Variants in ITPR2 observed in about 807,000 individuals in gnomAD.
ITPR2 encodes inositol 1,4,5-trisphosphate-gated calcium channel ITPR2.
A neutral mutation model predicts 317.1 loss-of-function variants in ITPR2; 207 were observed. The observed-to-expected ratio is 0.65, with a 90% CI of 0.58 to 0.73. The LOEUF is 0.73. Among genes scored for constraint, ITPR2 ranks in the 30% least tolerant of loss-of-function variants. The pLI, the probability that ITPR2 is intolerant of heterozygous loss-of-function variation, is 0.00. For synonymous variants in ITPR2, 1,156 were observed against 1,149.1 expected (o/e 1.01, Z -0.12); for missense variants, 2,613 against 3,284.0 (o/e 0.80, Z 4.99).
chr12:26,659,245 A>G lies in ITPR2; in HGVS notation c.1754T>C (p.Ile585Thr), dbSNP rs1565672328. ...ATCTTCTGCCAAAATATCATAGCCA[A>G]TCTGGGACTGCATGACACAGAAATT... ...AKNFCVMQSQ[I>T]GYDILAEDTI... Residue 585 changes from isoleucine (I) to threonine (T), a missense_variant, in exon 16 of 57, where the codon ATT becomes ACT. By Grantham distance (89) the Ile-to-Thr change is moderately conservative. This residue lies in a region of ITPR2 where 515 missense variants were observed against 789.4 expected (regional missense o/e 0.65). Transcript: ENST00000381340. 1.9e-6 allele frequency: 3 copies of G among 1,613,740 alleles called. No individual in the cohort carries two copies. The highest frequency in any genetic ancestry group is 1.1e-5 in the South Asian group (1 of 91,060).
intron 34 of ITPR2, among the ~76,000 whole-genome samples, chr12:26,563,128 T>C (rs893770812): frequency 1.3e-5 from 2 of 152,152 alleles, no homozygotes; most frequent in Non-Finnish European, 2.9e-5. Flanking sequence ...GCAGAAGCAG[T>C]TTTTACCTGG....
At chr12:26,401,847 G>C (rs2277350) in intron 52 of ITPR2, among the ~76,000 whole-genome samples, 37,851 of 152,130 alleles carry the variant, frequency 0.25, 5,667 homozygotes, top group East Asian at 0.56. Context: ...ACTTTCTTTG[G>C]AGCTGTTTCC....
At chr12:26,580,292 A>T (rs1945372009) in intron 32 of ITPR2, 137 bp from the exon 33 acceptor site, 1 of 685,140 alleles carries the variant, frequency 1.5e-6, no homozygotes, top group Admixed American at 2.9e-5. Context: ...TGAGAAGAGA[A>T]GCATTTCAGC....
chr12:26,393,773 A>G (rs1272676270), intron 54 of ITPR2, among the ~76,000 whole-genome samples: 1 of 152,210 alleles, frequency 6.6e-6, no homozygotes, highest in African/African-American at 2.4e-5. Flanking sequence ...GTCACCCTAC[A>G]TTCCTGTGGG....
intron 49 of ITPR2, among the ~76,000 whole-genome samples, chr12:26,427,054 G>C (rs1225363432): frequency 6.6e-6 from 1 of 151,840 alleles, no homozygotes; most frequent in Non-Finnish European, 1.5e-5. Context: ...TAATGTTCTT[G>C]ATACTGAATG....
chr12:26,690,111 A>C (rs560149127), intron 10 of ITPR2, among the ~76,000 whole-genome samples: 8 of 152,360 alleles, frequency 5.3e-5, no homozygotes, highest in Non-Finnish European at 1.2e-4. Context: ...AAGATCAGTC[A>C]GTTATACAAA....
intron 48 of ITPR2, 42 bp downstream of exon 48, chr12:26,436,179 A>T (rs751527935): frequency 1.4e-6 from 2 of 1,476,818 alleles, no homozygotes; most frequent in African/African-American, 2.9e-5. Flanking sequence ...GTTAAGTGGG[A>T]ACTTTAAAAT....
At chr12:26,612,871 C>A (rs923150273) in intron 26 of ITPR2, among the ~76,000 whole-genome samples, 19 of 152,198 alleles carry the variant, frequency 1.2e-4, no homozygotes, top group African/African-American at 4.6e-4. Flanking sequence ...AACTTTACTT[C>A]TCTTATTATT....
chr12:26,379,688 G>C (rs1939447682), intron 55 of ITPR2, among the ~76,000 whole-genome samples: 1 of 152,146 alleles, frequency 6.6e-6, no homozygotes, highest in African/African-American at 2.4e-5. Context: ...AAGGGTTAAT[G>C]CCTGATACAG....
chr12:26,639,592 G>T (rs1211654246), intron 21 of ITPR2, among the ~76,000 whole-genome samples: 1 of 150,982 alleles, frequency 6.6e-6, no homozygotes. Context: ...TTAACATTAG[G>T]TATATCTCCT....
In ITPR2 at chr12:26,436,235, T is replaced by A. The variant is rs1451937475; in HGVS notation, c.6755A>T (p.Asp2252Val). 6.2e-7 allele frequency: 1 copy of A among 1,601,088 alleles called. No individual in the cohort carries two copies. Among genetic ancestry groups the A allele is most frequent in the Admixed American group, 1.8e-5 (1 of 56,310 alleles). ...LAVALFYPFG[D>V]DGDEGTLSPL... ...CGAGCACTTGCCTTCATCTCCATCA[T>A]CCCCAAATGGGTAGAAGAGAGCAAC... Residue 2252 changes from aspartate (D) to valine (V), a missense_variant, in exon 48 of 57, where the codon GAT becomes GTT. Asp to Val is a radical substitution (Grantham distance 152). Transcript: ENST00000381340.
At position 26,631,962 on chromosome 12, in the gene ITPR2, C is replaced by T. The variant is rs369665378; in HGVS notation, c.2838G>A (p.Val946=). ...GSIFPMSVPD[V]PPSIHPSKQG... The stretch of plus-strand genomic sequence containing the variant: ...GCTTGCTCGGGTGGATGCTGGGTGG[C>T]ACATCCGGCACGCTCATGGGGAAGA... The change falls in exon 22 of 57, where the codon GTG becomes GTA. Residue 946 remains valine (V), a synonymous_variant. Transcript: ENST00000381340. The T allele has an allele frequency of 4.4e-5, 71 of 1,613,544 alleles. No homozygotes were observed. The highest frequency in any genetic ancestry group is 5.8e-5 in the Non-Finnish European group (68 of 1,179,792).
intron 2 of ITPR2, among the ~76,000 whole-genome samples, chr12:26,754,419 G>T (rs981948948): frequency 6.6e-6 from 1 of 152,164 alleles, no homozygotes; most frequent in Non-Finnish European, 1.5e-5. Context: ...TAGGCTCCAC[G>T]CATGGTACAT....
chr12:26,515,290 AAG>A (rs962631581), intron 37 of ITPR2, among the ~76,000 whole-genome samples: 3 of 152,210 alleles, frequency 2.0e-5, no homozygotes, highest in African/African-American at 7.2e-5. Context: ...AAAGGCAAGA[AAG>A]AGAAAAGCAG....
intron 37 of ITPR2, among the ~76,000 whole-genome samples, chr12:26,547,301 C>T (rs1477510704): frequency 6.6e-6 from 1 of 152,126 alleles, no homozygotes; most frequent in Non-Finnish European, 1.5e-5. Flanking sequence ...ATATGAAAAA[C>T]TCCTCAACAT....
At chr12:26,622,643 A>T (rs1490013531) in intron 24 of ITPR2, among the ~76,000 whole-genome samples, 1 of 152,194 alleles carries the variant, frequency 6.6e-6, no homozygotes, top group Non-Finnish European at 1.5e-5. Flanking sequence ...TCCAAGACTC[A>T]GGGGTTCCTA....
chr12:26,655,918 C>T, intron 19 of ITPR2, 66 bp from the exon 20 acceptor site: 1 of 1,464,094 alleles, frequency 6.8e-7, no homozygotes, highest in South Asian at 1.2e-5. Flanking sequence ...TAGGAAAACA[C>T]ACGTAGTTTC....
chr12:26,565,183 A>C (rs1944918042), intron 34 of ITPR2, among the ~76,000 whole-genome samples: 1 of 152,202 alleles, frequency 6.6e-6, no homozygotes, highest in Admixed American at 6.5e-5. Flanking sequence ...AAAAAGAGCA[A>C]ATAATTTTTA....
chr12:26,366,957 C>G (rs1047129178), intron 55 of ITPR2, among the ~76,000 whole-genome samples: 3 of 152,066 alleles, frequency 2.0e-5, no homozygotes, highest in Non-Finnish European at 4.4e-5. Context: ...AAATGACAGT[C>G]AACTGAGGGC....
Sources: allele counts gnomAD v4.1 joint callset (sites outside exome capture counted in the v4.1 genomes callset), GRCh38; gene constraint gnomAD v4.1.1; regional missense constraint gnomAD v4.1.1; transcripts MANE v1.5; gene names NCBI Gene and HGNC (gene_info 2026-07-23, HGNC 2026-07-21).